The following MYO18B variants were observed in gnomAD, a reference collection of about 807,000 sequenced individuals.
The protein encoded by MYO18B is unconventional myosin-XVIIIb.
Under a neutral mutation model 273.0 loss-of-function variants are expected in MYO18B, and 204 were observed. That is an observed-to-expected ratio of 0.75 (90% confidence interval 0.67 to 0.84). The LOEUF (loss-of-function observed/expected upper bound fraction) is 0.84, where lower values mean the gene tolerates loss of function less well. MYO18B is among the 40% of genes least tolerant of loss of function. The probability of loss-of-function intolerance (pLI) is 0.00; values close to 1 mark genes in which losing one functional copy is unlikely to be tolerated. For missense variants in MYO18B, 3,212 were observed against 3,287.6 expected (o/e 0.98, Z 0.56); for synonymous variants, 1,330 against 1,305.7 (o/e 1.02, Z -0.40).
At position 25,823,512 on chromosome 22, in the gene MYO18B, G is replaced by A; in HGVS notation, c.2529G>A (p.Arg843=). 1 of 1,613,928 alleles carries A rather than the reference G, an allele frequency of 6.2e-7. No individual in the cohort carries two copies. The highest frequency in any genetic ancestry group is 8.5e-7 in the Non-Finnish European group (1 of 1,179,858). Residue 843 remains arginine, a synonymous_variant, in exon 13 of 44, where the codon CGG becomes CGA. Transcript: ENST00000335473. ...GTTTTGTCCCCTTTGCAGTGGGTCG[G>A]AAGCAGTTCATGAGGTTTGAGTGGG... ...LGAAGACKVG[R]KQFMRFEWAN... is the part of the protein sequence containing the mutation.
At chr22:25,818,292 C>T (rs1569063441) in intron 12 of MYO18B, among the ~76,000 whole-genome samples, 2 of 152,234 alleles carry the variant, frequency 1.3e-5, no homozygotes, top group South Asian at 4.1e-4. Context: ...CTCTGCCTCT[C>T]TCACTTTGGT....
intron 21 of MYO18B, among the ~76,000 whole-genome samples, chr22:25,865,480 A>G (rs545571256): frequency 7.2e-5 from 11 of 152,354 alleles, no homozygotes; most frequent in Non-Finnish European, 1.3e-4. Context: ...GCACTGTTCC[A>G]AGGTTTTGAC....
At chr22:25,971,824 C>G (rs2146737664) in intron 39 of MYO18B, among the ~76,000 whole-genome samples, 1 of 152,282 alleles carries the variant, frequency 6.6e-6, no homozygotes, top group South Asian at 2.1e-4. Flanking sequence ...GACATGGCTG[C>G]ATGTCAAATC....
At chr22:26,015,850 A>G (rs1935284674) in intron 42 of MYO18B, among the ~76,000 whole-genome samples, 1 of 152,168 alleles carries the variant, frequency 6.6e-6, no homozygotes, top group Admixed American at 6.5e-5. Context: ...ACTTTCACTT[A>G]TATTTTCTTC....
At chr22:25,979,836 T>C (rs2093131250) in intron 39 of MYO18B, among the ~76,000 whole-genome samples, 2 of 152,058 alleles carry the variant, frequency 1.3e-5, no homozygotes, top group South Asian at 4.2e-4. Flanking sequence ...AAGAGAGCCT[T>C]AGCCACCTTC....
intron 21 of MYO18B, among the ~76,000 whole-genome samples, chr22:25,855,841 A>C (rs1044607616): frequency 4.7e-4 from 67 of 142,246 alleles, no homozygotes; most frequent in African/African-American, 1.7e-3. Flanking sequence ...TTTTTTTTTG[A>C]ACTCTTGTTT....
At chr22:25,926,857 CAGA>C (rs1325806372) in intron 34 of MYO18B, among the ~76,000 whole-genome samples, 1 of 152,158 alleles carries the variant, frequency 6.6e-6, no homozygotes, top group Non-Finnish European at 1.5e-5. Flanking sequence ...GAAGCCATGG[CAGA>C]AGAACGTGGA....
chr22:25,947,522 A>T, intron 35 of MYO18B, among the ~76,000 whole-genome samples, 190 bp from the exon 36 acceptor site: 1 of 150,864 alleles, frequency 6.6e-6, no homozygotes. Context: ...ACACACACAC[A>T]CACACACACA....
chr22:25,886,210 G>C (rs185904730), intron 25 of MYO18B, among the ~76,000 whole-genome samples: 2 of 152,326 alleles, frequency 1.3e-5, no homozygotes, highest in Admixed American at 1.3e-4. Context: ...GGTGGCGATG[G>C]TTATTATTAT....
intron 42 of MYO18B, among the ~76,000 whole-genome samples, chr22:26,021,172 T>C (rs1484743007): frequency 1.3e-5 from 2 of 152,196 alleles, no homozygotes; most frequent in East Asian, 1.9e-4. Context: ...TCTGAAGCTC[T>C]TTTTTTGCTT....
chr22:25,875,717 A>G (rs1240917945), intron 23 of MYO18B, among the ~76,000 whole-genome samples: 2 of 152,244 alleles, frequency 1.3e-5, no homozygotes, highest in East Asian at 3.8e-4. Context: ...AAGTTTGAGA[A>G]GCATGAAATT....
In MYO18B at chr22:25,950,448, C is replaced by G. The variant is rs757076714; in HGVS notation, c.5830C>G (p.Gln1944Glu). The G allele has an allele frequency of 1.3e-5, 21 of 1,599,504 alleles. No individual in the cohort carries two copies. Among genetic ancestry groups the G allele is most frequent in the Non-Finnish European group, 1.8e-5 (21 of 1,173,206 alleles). The change falls in exon 37 of 44, where the codon CAA (glutamine) becomes GAA (glutamate). Residue 1944 changes from glutamine to glutamate, a missense_variant and splice_region_variant. Gln to Glu is a conservative substitution (Grantham distance 29). Transcript: ENST00000335473. ...AKKEKHKLQE[Q>E]LQVAQMRIEY... ...GAAGGAGAAGCACAAGCTACAAGAA[C>G]AAGTATGTGCTCAGAGCCATCCTAT...
intron 39 of MYO18B, among the ~76,000 whole-genome samples, chr22:25,962,582 G>A (rs1028447266): frequency 6.6e-6 from 1 of 152,170 alleles, no homozygotes; most frequent in Admixed American, 6.5e-5. Flanking sequence ...AGACATGGAT[G>A]GACTAGGGAC....
At chr22:25,815,141 CCCTTGGACCCAGGAAATAG>C (rs2145848517) in intron 12 of MYO18B, among the ~76,000 whole-genome samples, 1 of 152,334 alleles carries the variant, frequency 6.6e-6, no homozygotes, top group South Asian at 2.1e-4. Context: ...TCTTGGGCTT[CCCTTGGACCCAGGAAATAG>C]CTTTAAAGGG....
intron 8 of MYO18B, 37 bp from the exon 9 acceptor site, chr22:25,780,019 C>A: frequency 6.5e-7 from 1 of 1,533,964 alleles, no homozygotes; most frequent in Non-Finnish European, 8.8e-7. Context: ...AGCACCTGGG[C>A]CATCAGTGAC....
chr22:25,925,223 T>G (rs1014330673), intron 34 of MYO18B, among the ~76,000 whole-genome samples: 1 of 152,108 alleles, frequency 6.6e-6, no homozygotes. Flanking sequence ...TTCTGGATTC[T>G]GCCCCCTCCC....
At position 25,871,516 on chromosome 22, in the gene MYO18B, C is replaced by A. The variant is rs149111077; in HGVS notation, c.3952-2770C>A. Among the ~76,000 whole-genome samples the A allele has an allele frequency of 3.7e-4, 56 of 152,198 alleles. 2 individuals carry two copies. In the East Asian group the frequency reaches 0.011, roughly 29 times the overall value. ...GTTTCCATATCAGATTTTTTTAAAA[C>A]CTGGGCCTTCAGCATTGTTAGAGGA... On this transcript the variant is annotated intron_variant, in intron 22 of 43. Coordinates refer to ENST00000335473, the MANE Select transcript of MYO18B (RefSeq NM_032608.7).
At chr22:25,903,539 A>G in intron 30 of MYO18B, 92 bp from the exon 31 acceptor site, 3 of 1,334,376 alleles carry the variant, frequency 2.2e-6, no homozygotes, top group Non-Finnish European at 3.1e-6. Flanking sequence ...GGAAAACGCC[A>G]CTCCAGCCCC....
chr22:25,908,937 G>T (rs1285458693), intron 32 of MYO18B, among the ~76,000 whole-genome samples: 1 of 152,156 alleles, frequency 6.6e-6, no homozygotes, highest in East Asian at 1.9e-4. Context: ...GATTTGCAGA[G>T]ATATCATTTT....
Sources: allele counts gnomAD v4.1 joint callset (sites outside exome capture counted in the v4.1 genomes callset), GRCh38; gene constraint gnomAD v4.1.1; transcripts MANE v1.5; gene names NCBI Gene and HGNC (gene_info 2026-07-23, HGNC 2026-07-21).